Variants in KCNH2 observed in about 807,000 individuals in gnomAD.
KCNH2 encodes voltage-gated inwardly rectifying potassium channel KCNH2.
Under a neutral mutation model 95.9 loss-of-function variants are expected in KCNH2, and 35 were observed. The observed-to-expected ratio is 0.37, with a 90% CI of 0.28 to 0.48. The LOEUF (loss-of-function observed/expected upper bound fraction) is 0.48, where lower values mean the gene tolerates loss of function less well. Ranked by LOEUF, KCNH2 falls within the 20% of genes least tolerant of loss-of-function variation. The probability of loss-of-function intolerance (pLI) is 0.99; values close to 1 mark genes in which losing one functional copy is unlikely to be tolerated. For missense variants in KCNH2, 1,274 were observed against 1,702.9 expected (o/e 0.75, Z 4.43); for synonymous variants, 786 against 754.7 (o/e 1.04, Z -0.68).
rs1039647625 is a variant in KCNH2 at position 150,946,080 on chromosome 7, G to A, written c.3331-566C>T. 7.2e-5 allele frequency among the ~76,000 whole-genome samples: 11 copies of A among 152,098 alleles called. No homozygotes were observed. The highest frequency in any genetic ancestry group is 2.4e-4 in the African/African-American group (10 of 41,410). On this transcript the variant is annotated intron_variant, in intron 14 of 14. Coordinates refer to ENST00000262186, the MANE Select transcript of KCNH2 (RefSeq NM_000238.4). The surrounding 1 kb of genome is among the most constrained non-coding windows in gnomAD (Gnocchi z 6.5). ...GGCACATTTGCTGACGTGGGCCCTC[G>A]TGTCTGCAAACAGGAGCAGGCAGCA...
chr7:150,947,299 G>GC (rs746810235), intron 13 of KCNH2, 29 bp downstream of exon 13: 31 of 1,518,704 alleles, frequency 2.0e-5, no homozygotes, highest in African/African-American at 4.1e-5. Context: ...TCCAGGGCGT[G>GC]CCCCCCCACC....
chr7:150,964,273 C>T (rs189979701), intron 2 of KCNH2, among the ~76,000 whole-genome samples: 3 of 152,358 alleles, frequency 2.0e-5, no homozygotes, highest in South Asian at 2.1e-4. Flanking sequence ...CCTCCCAGTC[C>T]TCTGCAAATC....
In KCNH2 at chr7:150,961,240, G is replaced by A. The variant is rs1474825425; in HGVS notation, c.308-1504C>T. 6.6e-6 allele frequency among the ~76,000 whole-genome samples: 1 copy of A among 152,084 alleles called. No homozygotes were observed. The highest frequency in any genetic ancestry group is 1.5e-5 in the Non-Finnish European group (1 of 68,022). On this transcript the variant is annotated intron_variant, in intron 2 of 14. Coordinates refer to ENST00000262186, the MANE Select transcript of KCNH2 (RefSeq NM_000238.4). The surrounding 1 kb of genome is among the most constrained non-coding windows in gnomAD (Gnocchi z 6.2). ...ACAGGGAGGCTGCAGGCATGGGGGA[G>A]AGGCAAGGGTGACAAACCATGCAGT...
At chr7:150,955,879 G>GCC in intron 5 of KCNH2, 1 of 864,832 alleles carries the variant, frequency 1.2e-6, no homozygotes. Context: ...AGGCTCCCCC[G>GCC]CCCCGCCGGT....
chr7:150,957,500 C>G lies in KCNH2; in HGVS notation c.919G>C (p.Ala307Pro), dbSNP rs774275776. 3.7e-6 allele frequency: 6 copies of G among 1,610,668 alleles called. No individual in the cohort carries two copies. In the South Asian group the frequency reaches 6.6e-5, roughly 18 times the overall value. The change falls in exon 5 of 15, where the codon GCC becomes CCC. Residue 307 changes from alanine (A) to proline (P), a missense_variant and splice_region_variant. Ala to Pro is a conservative substitution (Grantham distance 27, BLOSUM62 -1). Coordinates refer to ENST00000262186, the MANE Select transcript of KCNH2 (RefSeq NM_000238.4). The stretch of plus-strand genomic sequence containing the variant: ...AAGCCGCTGCGCAGTGGGTGCATGG[C>G]CCCTAGGTGGAGAGGCAGCGTGGTC... ...PPPPRHASTG[A>P]MHPLRSGLLN...
At chr7:150,973,692 C>A (rs1801896247) in intron 2 of KCNH2, among the ~76,000 whole-genome samples, 1 of 152,236 alleles carries the variant, frequency 6.6e-6, no homozygotes, top group Non-Finnish European at 1.5e-5. Flanking sequence ...CCACCCCAGC[C>A]AACCCTGAGC....
chr7:150,964,706 G>A lies in KCNH2; in HGVS notation c.308-4970C>T, dbSNP rs576093553. On this transcript the variant is annotated intron_variant, in intron 2 of 14. Coordinates refer to ENST00000262186, the MANE Select transcript of KCNH2 (RefSeq NM_000238.4). ...CTCGCCCTAGTCGCCTCCCTGCCTC[G>A]CTCGGAGCAGGAGGAGCTGTGCCCA... 8.5e-5 allele frequency among the ~76,000 whole-genome samples: 13 copies of A among 152,304 alleles called. No individual in the cohort carries two copies. The South Asian group carries it at 1.9e-3, about 22-fold the overall frequency.
intron 2 of KCNH2, 58 bp downstream of exon 2, chr7:150,974,653 T>G: frequency 2.3e-5 from 16 of 698,050 alleles, no homozygotes; most frequent in East Asian, 5.5e-5. Context: ...CCCCTCGCCG[T>G]GGTCCCGCCC....
chr7:150,974,962 G>A (rs1801943663), intron 1 of KCNH2, 21 bp from the exon 2 acceptor site: 3 of 1,564,020 alleles, frequency 1.9e-6, no homozygotes, highest in Non-Finnish European at 2.6e-6. Flanking sequence ...GGGGAGGAGA[G>A]TGCGCGTGAG....
chr7:150,947,947 G>A, intron 11 of KCNH2, 69 bp from the exon 12 acceptor site: 1 of 1,477,748 alleles, frequency 6.8e-7, no homozygotes, highest in Non-Finnish European at 9.0e-7. Context: ...GGGTGGAGGA[G>A]GGGACAGGAG....
chr7:150,958,429 C>T lies in KCNH2; in HGVS notation c.546G>A (p.Ser182=), dbSNP rs773030045. The T allele has an allele frequency of 6.9e-7, 1 of 1,456,748 alleles. No individual in the cohort carries two copies. The highest frequency in any genetic ancestry group is 9.0e-7 in the Non-Finnish European group (1 of 1,111,820). The allele number at this position is 1,456,748 out of a possible 1,614,324, so 90.2% of individuals were successfully genotyped here. Residue 182 remains serine, a synonymous_variant, in exon 4 of 15, where the codon TCG becomes TCA. Coordinates refer to ENST00000262186, the MANE Select transcript of KCNH2 (RefSeq NM_000238.4). ...ALTARESSVR[S]GGAGGAGAPG... The stretch of plus-strand genomic sequence containing the variant: ...GGGCGCCCGCGCCGCCCGCGCCGCC[C>T]GACCGCACCGACGACTCCCGGGCCG...
intron 4 of KCNH2, 152 bp from the exon 5 acceptor site, chr7:150,957,654 G>A: frequency 1.4e-6 from 1 of 700,620 alleles, no homozygotes; most frequent in Non-Finnish European, 2.6e-6. Flanking sequence ...AACAAGAGAG[G>A]TCAGACCCCT....
chr7:150,954,078 TG>T (rs939858349), intron 5 of KCNH2, among the ~76,000 whole-genome samples: 1 of 152,164 alleles, frequency 6.6e-6, no homozygotes, highest in African/African-American at 2.4e-5. Context: ...TTGACCACCC[TG>T]GGGTGGACAC....
chr7:150,954,974 G>T (rs764799660), intron 5 of KCNH2, among the ~76,000 whole-genome samples: 12 of 152,192 alleles, frequency 7.9e-5, no homozygotes, highest in Non-Finnish European at 1.6e-4. Context: ...TTGCCCACAG[G>T]GTCCAACCCC....
Position 150,977,897 on chromosome 7 carries a change from C to T in KCNH2, c.17G>A (p.Gly6Asp). The change falls in exon 1 of 15, where the codon GGC becomes GAC. Residue 6 changes from glycine to aspartate, a missense_variant. By Grantham distance (94) the Gly-to-Asp change is moderately conservative. Transcript: ENST00000262186. ...GAAGGTGTTCTGCGGCGCGACGTGGCCCCTCCGCACCGGCATCCTGAGCCC... is the reference window on the plus strand; with the variant it reads ...GAAGGTGTTCTGCGGCGCGACGTGGTCCCTCCGCACCGGCATCCTGAGCCC... The part of the protein sequence containing the change: MPVRR[G>D]HVAPQNTFLD... 1 of 1,574,166 alleles carries T rather than the reference C, an allele frequency of 6.4e-7. No individual in the cohort carries two copies.
At chr7:150,948,779 T>C in intron 10 of KCNH2, 77 bp downstream of exon 10, 1 of 1,347,222 alleles carries the variant, frequency 7.4e-7, no homozygotes, top group Non-Finnish European at 1.1e-6. Context: ...AGCATCACAT[T>C]CAATGTCACA....
At chr7:150,976,847 T>C (rs1801992396) in intron 1 of KCNH2, among the ~76,000 whole-genome samples, 1 of 145,942 alleles carries the variant, frequency 6.9e-6, no homozygotes, top group South Asian at 2.2e-4. Flanking sequence ...CCCCTCAGGA[T>C]CATCTTGTTC....
Position 150,955,292 on chromosome 7 carries a change from T to C in KCNH2, c.1128+1999A>G, listed in dbSNP as rs965213683. ...CCCCACGGCTCCCAAAGCTTCCTAC[T>C]TCCCAGCAGCCCTCTCCCCAGCCTG... is the stretch of plus-strand genomic sequence containing the variant. On this transcript the variant is annotated intron_variant, in intron 5 of 14. Coordinates refer to ENST00000262186, the MANE Select transcript of KCNH2 (RefSeq NM_000238.4). 1.0e-5 allele frequency: 12 copies of C among 1,201,512 alleles called. No homozygotes were observed. The African/African-American group carries it at 1.7e-4, about 17-fold the overall frequency. 74.4% of individuals were successfully genotyped at this position (1,201,512 alleles called of 1,614,324 possible).
intron 2 of KCNH2, 92 bp downstream of exon 2, chr7:150,974,619 A>AC (rs1801924604): frequency 3.3e-6 from 1 of 304,864 alleles, no homozygotes. Flanking sequence ...CCGCCCCCAC[A>AC]CCCCCACACC....
Sources: gnomAD v4.1 joint callset for allele counts (sites outside exome capture counted in the v4.1 genomes callset) on GRCh38, gnomAD v4.1.1 for gene constraint, Gnocchi (gnomAD v3.1) non-coding constraint, MANE v1.5 for transcripts, NCBI Gene and HGNC (gene_info 2026-07-23, HGNC 2026-07-21) for gene names.